The following KIF17 variants were observed in gnomAD, a reference collection of about 807,000 sequenced individuals.
KIF17 encodes kinesin-like protein KIF17.
KIF17 carries 80 observed loss-of-function variants against 96.8 expected under a neutral mutation model. The ratio of observed to expected loss-of-function variants is 0.83; its 90% CI spans 0.69 to 1.00. The LOEUF (loss-of-function observed/expected upper bound fraction) is 1.00. Among genes scored for constraint, KIF17 ranks in the 50% least tolerant of loss-of-function variants. KIF17 has a pLI of 0.00. For synonymous variants in KIF17, 567 were observed against 587.5 expected (o/e 0.97, Z 0.51); for missense variants, 1,280 against 1,372.9 (o/e 0.93, Z 1.07).
Position 20,687,306 on chromosome 1 carries a change from AGT to A in KIF17, c.1938+80_1938+81del. 6.9e-7 allele frequency: 1 copy of A among 1,456,432 alleles called. No individual in the cohort carries two copies. The highest frequency in any genetic ancestry group is 1.1e-5 in the South Asian group (1 of 87,750). 90.2% of individuals were successfully genotyped at this position (1,456,432 alleles called of 1,614,324 possible). On this transcript the variant is annotated intron_variant, in intron 8 of 14. Transcript: ENST00000400463. The surrounding 1 kb of genome is among the most constrained non-coding windows in gnomAD (Gnocchi z 4.4). The stretch of plus-strand genomic sequence containing the variant: ...AGTGTCGGAGGCCATGTGTGTGAAC[AGT>A]GTGTGCACAGTGAGCTCCGGGCCCT...
Position 20,687,494 on chromosome 1 carries a change from CCT to C in KIF17, c.1830_1831del (p.Gly611ProfsTer47). Reference sequence around the variant, plus strand: ...CACCTCGGCAAACGGGTCCTGCAGGCCTAGTAACCCCTGCAGGGGCACCTCCT... The same window carrying C: ...CACCTCGGCAAACGGGTCCTGCAGGCAGTAACCCCTGCAGGGGCACCTCCT... On this transcript the variant is annotated frameshift_variant, in exon 8 of 15. Transcript: ENST00000400463. LOFTEE classifies it high-confidence loss of function. This position sits in a 1 kb window ranked among gnomAD's most constrained non-coding sequence, Gnocchi z 4.4. 6.2e-7 allele frequency: 1 copy of C among 1,613,770 alleles called. No individual in the cohort carries two copies. The highest frequency in any genetic ancestry group is 8.5e-7 in the Non-Finnish European group (1 of 1,179,828).
chr1:20,691,103 C>T (rs1397029961), intron 6 of KIF17, among the ~76,000 whole-genome samples: 1 of 151,820 alleles, frequency 6.6e-6, no homozygotes, highest in East Asian at 2.0e-4. Flanking sequence ...TCAAGACCAG[C>T]CTGGCCAACA....
At chr1:20,682,527 C>T (rs2053847298) in intron 11 of KIF17, 126 bp downstream of exon 11, 3 of 767,042 alleles carry the variant, frequency 3.9e-6, no homozygotes, top group Non-Finnish European at 6.9e-6. Context: ...ATAATAAATG[C>T]ATGCATGCCT....
intron 6 of KIF17, among the ~76,000 whole-genome samples, chr1:20,698,098 C>T (rs2054173057): frequency 6.6e-6 from 1 of 152,170 alleles, no homozygotes; most frequent in South Asian, 2.1e-4. Context: ...GAGACCACGC[C>T]CCTGGAGACA....
intron 11 of KIF17, among the ~76,000 whole-genome samples, chr1:20,677,432 T>C (rs1021655643): frequency 3.3e-5 from 5 of 152,224 alleles, no homozygotes; most frequent in Admixed American, 6.5e-5. Flanking sequence ...AGAAGTCATA[T>C]GCACAGGCTG....
Position 20,664,384 on chromosome 1 carries a change from C to T in KIF17, c.*200G>A, listed in dbSNP as rs1327991873. On this transcript the variant is annotated 3_prime_UTR_variant, in exon 15 of 15. Transcript: ENST00000400463. ...GCAGGCCTCTCTAAGGAGGACTATACAGCCTCCGAGGGGCTCCTGCCCAGG... is the reference window on the plus strand; with the variant it reads ...GCAGGCCTCTCTAAGGAGGACTATATAGCCTCCGAGGGGCTCCTGCCCAGG... The T allele has an allele frequency of 4.8e-6, 7 of 1,471,172 alleles. No homozygotes were observed. Among genetic ancestry groups the T allele is most frequent in the Non-Finnish European group, 5.4e-6 (6 of 1,115,926 alleles). 91.1% of individuals were successfully genotyped at this position (1,471,172 alleles called of 1,614,324 possible).
At position 20,688,300 on chromosome 1, in the gene KIF17, C is replaced by T. The variant is rs571678670; in HGVS notation, c.1382-356G>A. On this transcript the variant is annotated intron_variant, in intron 7 of 14. Coordinates refer to ENST00000400463, the MANE Select transcript of KIF17 (RefSeq NM_001122819.3). ...CCTGACCTCGTGATCCGCCCCCACT[C>T]GGCCTCCCAAAGTGCTGGGATTACA... is the stretch of plus-strand genomic sequence containing the variant. Among the ~76,000 whole-genome samples the T allele has an allele frequency of 2.3e-4, 35 of 152,248 alleles. 1 individual carries two copies. The South Asian group carries it at 7.3e-3, about 32-fold the overall frequency.
chr1:20,690,934 G>A (rs817621), intron 6 of KIF17, among the ~76,000 whole-genome samples: 2,906 of 152,048 alleles, frequency 0.019, 99 homozygotes, highest in African/African-American at 0.065. Context: ...TGATCCACCC[G>A]CCTTGGCCTC....
At chr1:20,693,903 C>T (rs1466671899) in intron 6 of KIF17, 2 of 152,260 alleles carry the variant, frequency 1.3e-5, no homozygotes, top group Non-Finnish European at 2.9e-5. Context: ...GACACCAGGG[C>T]AAGGGCCGCC....
chr1:20,692,521 T>C (rs1487260479), intron 6 of KIF17, among the ~76,000 whole-genome samples: 2 of 152,054 alleles, frequency 1.3e-5, no homozygotes, highest in African/African-American at 4.8e-5. Flanking sequence ...CTAATTTTCG[T>C]ATTTTTGGCA....
intron 6 of KIF17, among the ~76,000 whole-genome samples, chr1:20,697,924 G>A (rs781604360): frequency 1.3e-5 from 2 of 152,176 alleles, no homozygotes; most frequent in South Asian, 2.1e-4. Flanking sequence ...ACACTCACCC[G>A]CTGGTCAAAC....
At chr1:20,662,986 G>A (rs149185797), downstream of KIF17, among the ~76,000 whole-genome samples, 1,587 of 152,280 alleles carry the variant, frequency 0.01, 20 homozygotes, top group African/African-American at 0.035. Flanking sequence ...CCAGCACTTT[G>A]GCAGGCCGAG....
chr1:20,689,116 T>TC (rs917193188), intron 7 of KIF17, among the ~76,000 whole-genome samples: 2 of 151,820 alleles, frequency 1.3e-5, no homozygotes, highest in Non-Finnish European at 2.9e-5. Context: ...ATTCAGGGAG[T>TC]CCTACCTCGC....
intron 13 of KIF17, among the ~76,000 whole-genome samples, chr1:20,669,395 G>A (rs1209534066): frequency 6.6e-6 from 1 of 151,642 alleles, no homozygotes; most frequent in Non-Finnish European, 1.5e-5. Flanking sequence ...AAATTAGCCG[G>A]GCTTGGTGGC....
Position 20,670,292 on chromosome 1 carries a change from G to A in KIF17, c.2790+129C>T, listed in dbSNP as rs2053617178. 16 of 885,328 alleles carry A rather than the reference G, an allele frequency of 1.8e-5. No individual in the cohort carries two copies. The South Asian group carries it at 1.9e-4, about 11-fold the overall frequency. The allele number at this position is 885,328 out of a possible 1,614,324, so 54.8% of individuals were successfully genotyped here. On this transcript the variant is annotated intron_variant, in intron 13 of 14. Transcript: ENST00000400463. The stretch of plus-strand genomic sequence containing the variant: ...AGGGGCATGAAAAGGATCCAGCCTT[G>A]GCCCCTTCTTTAATCCTTAGGCGGG...
At position 20,682,645 on chromosome 1, in the gene KIF17, G is replaced by A; in HGVS notation, c.2463+8C>T. The A allele has an allele frequency of 6.2e-7, 1 of 1,613,198 alleles. No homozygotes were observed. The highest frequency in any genetic ancestry group is 8.5e-7 in the Non-Finnish European group (1 of 1,179,422). ...AGCTGGGCATGGGGGGCTGCATCTG[G>A]GCCTCACCTTCCTCTGCATCTTCTC... On this transcript the variant is annotated splice_region_variant and intron_variant, in intron 11 of 14. Coordinates refer to ENST00000400463, the MANE Select transcript of KIF17 (RefSeq NM_001122819.3).
intron 7 of KIF17, 123 bp downstream of exon 7, chr1:20,690,065 T>C (rs957553230): frequency 2.0e-6 from 2 of 1,022,328 alleles, no homozygotes; most frequent in South Asian, 2.8e-5. Flanking sequence ...TACTGGACCA[T>C]TGTGAGGATA....
In KIF17 at chr1:20,672,683, C is replaced by T. The variant is rs1009167153; in HGVS notation, c.2464-487G>A. Among the ~76,000 whole-genome samples the T allele has an allele frequency of 2.0e-5, 3 of 152,238 alleles. No homozygotes were observed. The highest frequency in any genetic ancestry group is 4.8e-5 in the African/African-American group (2 of 41,462). ...GACAATCCTCACTCTCCCACTGCCACAGCCCTGTGTGACGGTGTGACAAAC... is the reference window on the plus strand; with the variant it reads ...GACAATCCTCACTCTCCCACTGCCATAGCCCTGTGTGACGGTGTGACAAAC... On this transcript the variant is annotated intron_variant, in intron 11 of 14. Coordinates refer to ENST00000400463, the MANE Select transcript of KIF17 (RefSeq NM_001122819.3). This position sits in a 1 kb window ranked among gnomAD's most constrained non-coding sequence, Gnocchi z 4.3.
Position 20,671,926 on chromosome 1 carries a change from C to G in KIF17, c.2722+12G>C, listed in dbSNP as rs1364684302. On this transcript the variant is annotated intron_variant, in intron 12 of 14. Transcript: ENST00000400463. ...GAGGGAGGGGAGGGCAAGGGCCAGC[C>G]AAGCTCCTGACCTACTGGGAGGCTG... The G allele has an allele frequency of 8.7e-6, 14 of 1,611,878 alleles. No individual in the cohort carries two copies. The highest frequency in any genetic ancestry group is 1.2e-5 in the Non-Finnish European group (14 of 1,179,540).
Sources: gnomAD v4.1 joint callset for allele counts (sites outside exome capture counted in the v4.1 genomes callset) on GRCh38, gnomAD v4.1.1 for gene constraint, Gnocchi (gnomAD v3.1) non-coding constraint, MANE v1.5 for transcripts, NCBI Gene and HGNC (gene_info 2026-07-23, HGNC 2026-07-21) for gene names.